Variants in LRRC4C observed in about 807,000 individuals in gnomAD.
LRRC4C encodes the protein leucine rich repeat containing 4C.
In LRRC4C, 5 loss-of-function variants were observed where a neutral mutation model predicts 33.6. That is an observed-to-expected ratio of 0.15 (90% CI 0.08 to 0.31). The LOEUF is 0.31. Ranked by LOEUF, LRRC4C falls within the 10% of genes least tolerant of loss-of-function variation. The pLI is 1.00. For missense variants in LRRC4C, 560 were observed against 796.7 expected (o/e 0.70, Z 3.58); for synonymous variants, 329 against 302.0 (o/e 1.09, Z -0.93).
At chr11:41,433,231 A>G (rs910202596) in intron 1 of LRRC4C, among the ~76,000 whole-genome samples, 1 of 152,202 alleles carries the variant, frequency 6.6e-6, no homozygotes, top group Non-Finnish European at 1.5e-5. Context: ...TATAAGTTTT[A>G]GCTTTTGTTT....
intron 3 of LRRC4C, among the ~76,000 whole-genome samples, chr11:40,545,406 T>C (rs1956874006): frequency 1.3e-5 from 2 of 151,994 alleles, no homozygotes; most frequent in Admixed American, 1.3e-4. Flanking sequence ...AGAGTGGTTT[T>C]TTACAGAATA....
chr11:41,058,175 A>T (rs772681336), intron 1 of LRRC4C, among the ~76,000 whole-genome samples: 11 of 151,474 alleles, frequency 7.3e-5, no homozygotes, highest in Non-Finnish European at 8.8e-5. Context: ...GGGACCCCAG[A>T]CCTGGGAGCT....
intron 1 of LRRC4C, among the ~76,000 whole-genome samples, chr11:41,006,635 A>G (rs1391502181): frequency 6.6e-6 from 1 of 152,180 alleles, no homozygotes; most frequent in African/African-American, 2.4e-5. Flanking sequence ...GCAAATAGAA[A>G]TATTGTCCCA....
intron 1 of LRRC4C, among the ~76,000 whole-genome samples, chr11:41,017,699 AG>A (rs1038964880): frequency 1.3e-5 from 2 of 151,626 alleles, no homozygotes; most frequent in Admixed American, 6.6e-5. Flanking sequence ...AGATTGGGAA[AG>A]AAAAGCTGGG....
intron 1 of LRRC4C, among the ~76,000 whole-genome samples, chr11:40,946,193 C>T (rs1446302322): frequency 2.0e-5 from 3 of 152,118 alleles, no homozygotes; most frequent in African/African-American, 7.2e-5. Context: ...CAGTATTTGG[C>T]TTTCTGTTCC....
In LRRC4C at chr11:40,625,314, C is replaced by T. The variant is rs568679810; in HGVS notation, c.-270+22828G>A. Among the ~76,000 whole-genome samples, 15 of 152,252 alleles carry T rather than the reference C, an allele frequency of 9.9e-5. No homozygotes were observed. The South Asian group carries it at 2.9e-3, about 29-fold the overall frequency. On this transcript the variant is annotated intron_variant, in intron 3 of 6. Coordinates refer to ENST00000528697, the MANE Select transcript of LRRC4C (RefSeq NM_001258419.2). ...GAAATACCCAAGACTGGGTAACTTACAAACAAAAAGATGTTTAATGGACTC... is the reference window on the plus strand; with the variant it reads ...GAAATACCCAAGACTGGGTAACTTATAAACAAAAAGATGTTTAATGGACTC...
chr11:41,079,551 C>T (rs1939409295), intron 1 of LRRC4C, among the ~76,000 whole-genome samples: 1 of 151,934 alleles, frequency 6.6e-6, no homozygotes, highest in South Asian at 2.1e-4. Flanking sequence ...ATTGCAATAT[C>T]TGGGTTCGTA....
At chr11:41,098,179 G>A (rs1324088332) in intron 1 of LRRC4C, among the ~76,000 whole-genome samples, 2 of 152,038 alleles carry the variant, frequency 1.3e-5, no homozygotes, top group African/African-American at 2.4e-5. Context: ...CAAACTCCAA[G>A]TCTCTAATCT....
At chr11:40,908,315 A>G (rs1956518309) in intron 2 of LRRC4C, among the ~76,000 whole-genome samples, 1 of 152,148 alleles carries the variant, frequency 6.6e-6, no homozygotes, top group African/African-American at 2.4e-5. Context: ...ACAAGCCAAA[A>G]AAAGCATACT....
chr11:40,307,639 C>T (rs1489600057), intron 4 of LRRC4C, among the ~76,000 whole-genome samples: 1 of 152,128 alleles, frequency 6.6e-6, no homozygotes, highest in Non-Finnish European at 1.5e-5. Context: ...AAACTGAAAA[C>T]TGCATGAGAA....
At chr11:40,346,281 A>G (rs1947126001) in intron 3 of LRRC4C, among the ~76,000 whole-genome samples, 1 of 152,216 alleles carries the variant, frequency 6.6e-6, no homozygotes, top group African/African-American at 2.4e-5. Flanking sequence ...TCACAATAGC[A>G]AAGACATGGA....
chr11:41,348,600 A>G (rs954315458), intron 1 of LRRC4C, among the ~76,000 whole-genome samples: 1 of 151,708 alleles, frequency 6.6e-6, no homozygotes, highest in African/African-American at 2.4e-5. Flanking sequence ...CCAGCAGAAG[A>G]CCAGACTATG....
chr11:40,838,344 G>A lies in LRRC4C; in HGVS notation c.-407+95291C>T, dbSNP rs557500740. Among the ~76,000 whole-genome samples the A allele has an allele frequency of 9.2e-5, 14 of 152,244 alleles. 1 individual carries two copies. The South Asian group carries it at 2.9e-3, about 32-fold the overall frequency. On this transcript the variant is annotated intron_variant, in intron 2 of 6. Coordinates refer to ENST00000528697, the MANE Select transcript of LRRC4C (RefSeq NM_001258419.2). ...ATTCTTTCTCAATATTTTCAACCCT[G>A]ATGAAAATGTTTTGTCTCTCAGAAT...
At chr11:40,964,059 C>G (rs1364083647) in intron 1 of LRRC4C, among the ~76,000 whole-genome samples, 1 of 151,422 alleles carries the variant, frequency 6.6e-6, no homozygotes, top group Non-Finnish European at 1.5e-5. Context: ...AGAGCTCTTA[C>G]AAATACCTGC....
At chr11:40,913,875 G>C (rs536273747) in intron 2 of LRRC4C, among the ~76,000 whole-genome samples, 6 of 152,070 alleles carry the variant, frequency 3.9e-5, no homozygotes, top group Non-Finnish European at 8.8e-5. Context: ...TATCACCACC[G>C]ATCCCACAGA....
chr11:40,260,523 G>A (rs1867623819), intron 4 of LRRC4C, among the ~76,000 whole-genome samples: 1 of 150,530 alleles, frequency 6.6e-6, no homozygotes, highest in South Asian at 2.1e-4. Context: ...CCTGCACATT[G>A]TGCACATGTA....
chr11:40,342,005 A>G (rs1946888943), intron 3 of LRRC4C, among the ~76,000 whole-genome samples: 1 of 151,870 alleles, frequency 6.6e-6, no homozygotes, highest in Non-Finnish European at 1.5e-5. Flanking sequence ...TCTCAAAAAA[A>G]AAAAACAAAA....
chr11:41,265,634 C>T (rs1185575228), intron 1 of LRRC4C, among the ~76,000 whole-genome samples: 2 of 151,998 alleles, frequency 1.3e-5, no homozygotes, highest in African/African-American at 2.4e-5. Flanking sequence ...ACCTAGTTGC[C>T]AGAGAAGAAA....
At chr11:40,166,617 T>C (rs1859618335) in intron 5 of LRRC4C, among the ~76,000 whole-genome samples, 1 of 152,130 alleles carries the variant, frequency 6.6e-6, no homozygotes, top group Non-Finnish European at 1.5e-5. Context: ...AAGCCTCACA[T>C]AGTATCAGGC....
Sources: allele counts gnomAD v4.1 joint callset (sites outside exome capture counted in the v4.1 genomes callset), GRCh38; gene constraint gnomAD v4.1.1; transcripts MANE v1.5; gene names NCBI Gene and HGNC (gene_info 2026-07-23, HGNC 2026-07-21).